The following MEST variants were observed in gnomAD, a reference collection of about 807,000 sequenced individuals.
MEST encodes the protein mesoderm-specific transcript homolog protein.
In MEST, 18 loss-of-function variants were observed where a neutral mutation model predicts 50.9. That is an observed-to-expected ratio of 0.35 (90% CI 0.24 to 0.52). MEST has a LOEUF of 0.52. Ranked by LOEUF, MEST falls within the 20% of genes least tolerant of loss-of-function variation. MEST has a pLI of 0.94. For synonymous variants in MEST, 130 were observed against 154.1 expected, an observed-to-expected ratio of 0.84 and a Z score of 1.16; for missense variants, 282 against 425.3, an observed-to-expected ratio of 0.66 and a Z score of 2.96.
chr7:130,496,940 A>G (rs1234672483), intron 2 of MEST: 1 of 360,212 alleles, frequency 2.8e-6, no homozygotes, highest in African/African-American at 2.1e-5. Flanking sequence ...TTCACATAGC[A>G]TGATTTTTAC....
At chr7:130,487,402 G>C (rs1265980290), upstream of MEST, 1 of 152,256 alleles carries the variant, frequency 6.6e-6, no homozygotes, top group African/African-American at 2.4e-5. Flanking sequence ...TGGGATAATG[G>C]GATGTGTGGA....
rs1799482545 is a variant in MEST at position 130,506,406 on chromosome 7, G to A, written c.*1350G>A. The A allele has an allele frequency of 6.8e-6, 1 of 147,264 alleles. No individual in the cohort carries two copies. Among genetic ancestry groups the A allele is most frequent in the South Asian group, 2.3e-4 (1 of 4,322 alleles). 9.1% of individuals were successfully genotyped at this position (147,264 alleles called of 1,614,324 possible). ...AAGAATAAAATGAAGTTAAGCAGCT[G>A]GAGTATAGGATAGTATTTGATTTTC... On this transcript the variant is annotated 3_prime_UTR_variant, in exon 12 of 12. Transcript: ENST00000223215.
intron 1 of MEST, chr7:130,494,807 A>G (rs1798977141): frequency 2.0e-6 from 2 of 984,496 alleles, no homozygotes; most frequent in South Asian, 9.4e-5. Flanking sequence ...TTTAGGCAGG[A>G]GGGCTGAAAA....
At chr7:130,502,366 CAACT>C (rs1380940489) in intron 9 of MEST, among the ~76,000 whole-genome samples, 25 of 152,138 alleles carry the variant, frequency 1.6e-4, no homozygotes, top group Non-Finnish European at 1.6e-4. Flanking sequence ...AAATCCAAAC[CAACT>C]GTCAGCCTTC....
Position 130,500,643 on chromosome 7 carries a change from C to T in MEST, c.647+111C>T. On this transcript the variant is annotated intron_variant, in intron 8 of 11. Transcript: ENST00000223215. This position sits in a 1 kb window ranked among gnomAD's most constrained non-coding sequence, Gnocchi z 5.0. Reference sequence around the variant, plus strand: ...TGATATTTTAAAGCAAAGGTGTTGGCCGCTTGCCAGGGAAGTAGAAGGAAT... The same window carrying T: ...TGATATTTTAAAGCAAAGGTGTTGGTCGCTTGCCAGGGAAGTAGAAGGAAT... The T allele has an allele frequency of 7.8e-7, 1 of 1,284,232 alleles. No homozygotes were observed. The highest frequency in any genetic ancestry group is 1.1e-6 in the Non-Finnish European group (1 of 914,928). 79.6% of individuals were successfully genotyped at this position (1,284,232 alleles called of 1,614,324 possible).
chr7:130,490,753 C>G (rs1798773191), upstream of MEST: 1 of 152,224 alleles, frequency 6.6e-6, no homozygotes, highest in South Asian at 2.1e-4. Context: ...ATTTCGCACC[C>G]CCGGTTCTTA....
At chr7:130,495,092 G>C (rs1047980257) in intron 1 of MEST, among the ~76,000 whole-genome samples, 18 of 152,050 alleles carry the variant, frequency 1.2e-4, no homozygotes, top group Non-Finnish European at 1.9e-4. Context: ...ACAAGGGTAG[G>C]GGCTAAGGGG....
chr7:130,498,600 T>G, intron 6 of MEST, 123 bp downstream of exon 6: 6 of 883,682 alleles, frequency 6.8e-6, no homozygotes, highest in Non-Finnish European at 1.1e-5. Flanking sequence ...ATGGGATCTC[T>G]ACCTCTTCTG....
At chr7:130,490,053 T>A (rs543790904), upstream of MEST, 247 of 152,328 alleles carry the variant, frequency 1.6e-3, 1 homozygote, top group African/African-American at 5.6e-3. Flanking sequence ...ATGCAAAGGC[T>A]TTTGTTATTG....
rs1799012488 is a variant in MEST at position 130,495,518 on chromosome 7, C to G, written c.177C>G (p.Tyr59Ter). Residue 59 changes from tyrosine to a stop codon, truncating the protein, a stop_gained, in exon 2 of 12, where the codon TAC becomes TAG. Transcript: ENST00000223215. LOFTEE classifies it high-confidence loss of function. ...CTTACAAGGGACTGCGTATCTTCTA[C>G]CAAGGTAAGAAGTGGACTATTGGAA... ...FFTYKGLRIF[Y>*]QDSVGVVGSP... The G allele has an allele frequency of 6.2e-7, 1 of 1,613,544 alleles. No homozygotes were observed.
chr7:130,503,260 T>C (rs1799343658), intron 10 of MEST, among the ~76,000 whole-genome samples: 1 of 152,240 alleles, frequency 6.6e-6, no homozygotes, highest in Non-Finnish European at 1.5e-5. Context: ...AAATTATTGG[T>C]TGATTTCAAA....
At chr7:130,496,032 T>G (rs1175570143) in intron 2 of MEST, 2 of 459,656 alleles carry the variant, frequency 4.4e-6, no homozygotes, top group African/African-American at 2.0e-5. Context: ...TTGTTTAATC[T>G]TTACAACAGC....
rs536070707 is a variant in MEST, at chr7:130,500,349, C to T, written c.577-113C>T. ...CAAAACAAAATGCCAAGTACCAAACCATTCAGTAGCAGGAGATTTGGCTAA... is the reference window on the plus strand; with the variant it reads ...CAAAACAAAATGCCAAGTACCAAACTATTCAGTAGCAGGAGATTTGGCTAA... On this transcript the variant is annotated intron_variant, in intron 7 of 11. Coordinates refer to ENST00000223215, the MANE Select transcript of MEST (RefSeq NM_002402.4). The surrounding 1 kb of genome is among the most constrained non-coding windows in gnomAD (Gnocchi z 5.0). 39 of 878,184 alleles carry T rather than the reference C, an allele frequency of 4.4e-5. No homozygotes were observed. The South Asian group carries it at 6.7e-4, about 15-fold the overall frequency. The allele number at this position is 878,184 out of a possible 1,614,324, so 54.4% of individuals were successfully genotyped here.
chr7:130,505,156 C>T lies in MEST; in HGVS notation c.*100C>T. On this transcript the variant is annotated 3_prime_UTR_variant, in exon 12 of 12. Transcript: ENST00000223215. Reference sequence around the variant, plus strand: ...CCCAAAAGAGGTCCTGGCCATCAAACATAATTCTCTCACAAAGTCCACTTT... The same window carrying T: ...CCCAAAAGAGGTCCTGGCCATCAAATATAATTCTCTCACAAAGTCCACTTT... 3.4e-6 allele frequency: 3 copies of T among 886,822 alleles called. No homozygotes were observed. The highest frequency in any genetic ancestry group is 5.4e-6 in the Non-Finnish European group (3 of 550,620). 54.9% of individuals were successfully genotyped at this position (886,822 alleles called of 1,614,324 possible). A position where few individuals can be genotyped will look rare whatever the true frequency, so the allele number is the denominator to read the frequency against.
chr7:130,494,762 C>T (rs1584941520), intron 1 of MEST: 2 of 882,698 alleles, frequency 2.3e-6, no homozygotes, highest in East Asian at 1.2e-4. Context: ...AGTTTCTCAG[C>T]CCAAATCCAG....
Position 130,500,398 on chromosome 7 carries a change from C to G in MEST, c.577-64C>G. 3 of 1,423,894 alleles carry G rather than the reference C, an allele frequency of 2.1e-6. No individual in the cohort carries two copies. Among genetic ancestry groups the G allele is most frequent in the Non-Finnish European group, 2.9e-6 (3 of 1,025,490 alleles). The allele number at this position is 1,423,894 out of a possible 1,614,324, so 88.2% of individuals were successfully genotyped here. ...AAAGATTTAGTTCCTAGTATAAAAC[C>G]TTTTGCCCCGGTGAGGATCTTCCTC... is the stretch of plus-strand genomic sequence containing the variant. On this transcript the variant is annotated intron_variant, in intron 7 of 11. Coordinates refer to ENST00000223215, the MANE Select transcript of MEST (RefSeq NM_002402.4). The surrounding 1 kb of genome is among the most constrained non-coding windows in gnomAD (Gnocchi z 5.0).
rs1799229371 is a variant in MEST, at chr7:130,500,373, A to G, written c.577-89A>G. The stretch of plus-strand genomic sequence containing the variant: ...CCATTCAGTAGCAGGAGATTTGGCT[A>G]AAGATTTAGTTCCTAGTATAAAACC... On this transcript the variant is annotated intron_variant, in intron 7 of 11. Coordinates refer to ENST00000223215, the MANE Select transcript of MEST (RefSeq NM_002402.4). This position sits in a 1 kb window ranked among gnomAD's most constrained non-coding sequence, Gnocchi z 5.0. The G allele has an allele frequency of 5.2e-6, 6 of 1,145,506 alleles. No homozygotes were observed. Among genetic ancestry groups the G allele is most frequent in the Admixed American group, 2.4e-5 (1 of 42,216 alleles). The allele number at this position is 1,145,506 out of a possible 1,614,324, so 71.0% of individuals were successfully genotyped here.
At chr7:130,504,798 T>C in intron 11 of MEST, 141 bp from the exon 12 acceptor site, 1 of 586,450 alleles carries the variant, frequency 1.7e-6, no homozygotes, top group Non-Finnish European at 3.1e-6. Flanking sequence ...AGATACAATT[T>C]CAGAGTAGAA....
chr7:130,502,789 T>C (rs1584951342), intron 10 of MEST, 69 bp downstream of exon 10: 2 of 1,147,626 alleles, frequency 1.7e-6, no homozygotes, highest in Non-Finnish European at 2.6e-6. Context: ...AACTCCTTTA[T>C]ACAATTAGGG....
Sources: gnomAD v4.1 joint callset for allele counts (sites outside exome capture counted in the v4.1 genomes callset) on GRCh38, gnomAD v4.1.1 for gene constraint, Gnocchi (gnomAD v3.1) non-coding constraint, MANE v1.5 for transcripts, NCBI Gene and HGNC (gene_info 2026-07-23, HGNC 2026-07-21) for gene names.